The following ARL6IP5 variants were observed in gnomAD, a reference collection of about 807,000 sequenced individuals.
The protein encoded by ARL6IP5 is ARF like GTPase 6 interacting protein 5.
A neutral mutation model predicts 13.0 loss-of-function variants in ARL6IP5; 6 were observed. The observed-to-expected ratio is 0.46, with a 90% CI of 0.25 to 0.91. The LOEUF (loss-of-function observed/expected upper bound fraction) is 0.91, where lower values mean the gene tolerates loss of function less well. Among genes scored for constraint, ARL6IP5 ranks in the 40% least tolerant of loss-of-function variants. The pLI, the probability that ARL6IP5 is intolerant of heterozygous loss-of-function variation, is 0.17. For synonymous variants in ARL6IP5, 91 were observed against 91.9 expected (o/e 0.99, Z 0.06); for missense variants, 208 against 248.8 (o/e 0.84, Z 1.10).
Position 69,101,316 on chromosome 3 carries a change from C to CTTTTTTTTT in ARL6IP5, c.177-510_177-502dup, listed in dbSNP as rs549402201. 3.8e-4 allele frequency among the ~76,000 whole-genome samples: 45 copies of CTTTTTTTTT among 119,446 alleles called. 1 individual carries two copies. Among genetic ancestry groups the CTTTTTTTTT allele is most frequent in the African/African-American group, 1.6e-3 (45 of 28,106 alleles). The allele number at this position is 119,446 out of a possible 152,430, so 78.4% of individuals were successfully genotyped here. ...TGCCTGGGTGTGATCTCAGCTCCAC[C>CTTTTTTTTT]TTTTTTTTTTTTTTTTTTTTTAATG... On this transcript the variant is annotated intron_variant, in intron 1 of 2. Transcript: ENST00000273258.
At chr3:69,094,329 C>A (rs778561151) in intron 1 of ARL6IP5, among the ~76,000 whole-genome samples, 16 of 152,174 alleles carry the variant, frequency 1.1e-4, no homozygotes, top group Non-Finnish European at 2.2e-4. Context: ...CCCCCTCAGC[C>A]AGGCACCAAC....
At chr3:69,092,818 C>A (rs62255468) in intron 1 of ARL6IP5, among the ~76,000 whole-genome samples, 1 of 144,942 alleles carries the variant, frequency 6.9e-6, no homozygotes, top group South Asian at 2.3e-4. Flanking sequence ...CTGTACCCAG[C>A]CTTTTTTTTT....
rs545869674 is a variant in ARL6IP5 at position 69,103,575 on chromosome 3, G to A, written c.395-889G>A. The stretch of plus-strand genomic sequence containing the variant: ...ATTTCTAACGGGTGGTCTAGGTTGA[G>A]ATCCTCCAGATGAATCCACATCAGG... On this transcript the variant is annotated intron_variant, in intron 2 of 2. Coordinates refer to ENST00000273258, the MANE Select transcript of ARL6IP5 (RefSeq NM_006407.4). 5.8e-4 allele frequency among the ~76,000 whole-genome samples: 89 copies of A among 152,332 alleles called. No homozygotes were observed. In the South Asian group the frequency reaches 0.013, roughly 22 times the overall value.
chr3:69,100,583 C>T (rs1440558257), intron 1 of ARL6IP5, among the ~76,000 whole-genome samples: 4 of 152,026 alleles, frequency 2.6e-5, no homozygotes. Context: ...AGTTCAAGAC[C>T]AGCCTGGCCA....
At chr3:69,096,152 G>GT (rs1316427913) in intron 1 of ARL6IP5, among the ~76,000 whole-genome samples, 4 of 152,156 alleles carry the variant, frequency 2.6e-5, no homozygotes, top group Non-Finnish European at 4.4e-5. Context: ...AACTTCGTTA[G>GT]TTTTTTTCCA....
intron 2 of ARL6IP5, among the ~76,000 whole-genome samples, chr3:69,102,759 T>C (rs902589057): frequency 6.6e-6 from 1 of 152,214 alleles, no homozygotes; most frequent in African/African-American, 2.4e-5. Context: ...GACTATTTAT[T>C]CTCCACTTGC....
chr3:69,097,963 G>C (rs914559109), intron 1 of ARL6IP5, among the ~76,000 whole-genome samples: 8 of 152,198 alleles, frequency 5.3e-5, no homozygotes, highest in Non-Finnish European at 1.0e-4. Flanking sequence ...TGGTTGGTCT[G>C]TGCCAAGCGG....
At chr3:69,097,636 C>A (rs530346420) in intron 1 of ARL6IP5, among the ~76,000 whole-genome samples, 1 of 152,182 alleles carries the variant, frequency 6.6e-6, no homozygotes, top group East Asian at 1.9e-4. Flanking sequence ...TTTTTCTTTC[C>A]CAGACCAATT....
At chr3:69,088,558 AC>A (rs2107510338) in intron 1 of ARL6IP5, among the ~76,000 whole-genome samples, 1 of 152,328 alleles carries the variant, frequency 6.6e-6, no homozygotes, top group East Asian at 1.9e-4. Context: ...ATCCAGAAAC[AC>A]TGGAAAAAAC....
chr3:69,095,739 C>G (rs1000547972), intron 1 of ARL6IP5, among the ~76,000 whole-genome samples: 3 of 152,162 alleles, frequency 2.0e-5, no homozygotes, highest in Non-Finnish European at 4.4e-5. Flanking sequence ...AGCTGATCCA[C>G]CCACCTCAGC....
At chr3:69,092,394 T>C (rs2092270773) in intron 1 of ARL6IP5, among the ~76,000 whole-genome samples, 1 of 152,182 alleles carries the variant, frequency 6.6e-6, no homozygotes, top group African/African-American at 2.4e-5. Flanking sequence ...GTTACCAAGC[T>C]CGTTAGCATT....
At chr3:69,099,373 A>C (rs1352695271) in intron 1 of ARL6IP5, among the ~76,000 whole-genome samples, 1 of 152,202 alleles carries the variant, frequency 6.6e-6, no homozygotes, top group Non-Finnish European at 1.5e-5. Flanking sequence ...CCATCTCAAA[A>C]AAACAAACAA....
chr3:69,097,669 G>C (rs2092291287), intron 1 of ARL6IP5, among the ~76,000 whole-genome samples: 1 of 152,122 alleles, frequency 6.6e-6, no homozygotes, highest in African/African-American at 2.4e-5. Context: ...CAGAAGACAG[G>C]GCATAATCCA....
At chr3:69,095,687 G>A (rs1250996242) in intron 1 of ARL6IP5, among the ~76,000 whole-genome samples, 2 of 152,046 alleles carry the variant, frequency 1.3e-5, no homozygotes, top group Non-Finnish European at 2.9e-5. Context: ...TAGAGATGGG[G>A]TTTCGCCATG....
At chr3:69,095,090 T>C (rs2092282984) in intron 1 of ARL6IP5, among the ~76,000 whole-genome samples, 1 of 152,196 alleles carries the variant, frequency 6.6e-6, no homozygotes, top group African/African-American at 2.4e-5. Flanking sequence ...CCGGTTAACA[T>C]GACAGAATGG....
intron 1 of ARL6IP5, among the ~76,000 whole-genome samples, chr3:69,092,589 G>A (rs1425896841): frequency 6.6e-6 from 1 of 152,310 alleles, no homozygotes; most frequent in East Asian, 1.9e-4. Context: ...TCCTGCCTTA[G>A]CCTCCAAGTA....
intron 2 of ARL6IP5, 126 bp downstream of exon 2, chr3:69,102,182 C>A: frequency 1.0e-6 from 1 of 997,868 alleles, no homozygotes; most frequent in Non-Finnish European, 1.5e-6. Flanking sequence ...TTTTCTAAAA[C>A]AGCTTTCTAC....
intron 1 of ARL6IP5, among the ~76,000 whole-genome samples, chr3:69,091,654 CTTT>C (rs529198443): frequency 2.8e-5 from 3 of 105,742 alleles, no homozygotes; most frequent in Admixed American, 9.9e-5. Flanking sequence ...CTCCGTCCAG[CTTT>C]TTTTTTTTTT....
chr3:69,087,127 C>A (rs2092251216), intron 1 of ARL6IP5, among the ~76,000 whole-genome samples: 1 of 152,094 alleles, frequency 6.6e-6, no homozygotes, highest in Non-Finnish European at 1.5e-5. Context: ...CTCAAGCAAT[C>A]CACCTACCTC....
Sources: gnomAD v4.1 joint callset for allele counts (sites outside exome capture counted in the v4.1 genomes callset) on GRCh38, gnomAD v4.1.1 for gene constraint, MANE v1.5 for transcripts, NCBI Gene and HGNC (gene_info 2026-07-23, HGNC 2026-07-21) for gene names.